The following MYO18B variants were observed in gnomAD, a reference collection of about 807,000 sequenced individuals.
The protein encoded by MYO18B is unconventional myosin-XVIIIb.
MYO18B carries 204 observed loss-of-function variants against 273.0 expected under a neutral mutation model. The observed-to-expected ratio is 0.75, with a 90% CI of 0.67 to 0.84. The LOEUF (loss-of-function observed/expected upper bound fraction) is 0.84, where lower values mean the gene tolerates loss of function less well. MYO18B is among the 40% of genes least tolerant of loss of function. The pLI, the probability that MYO18B is intolerant of heterozygous loss-of-function variation, is 0.00. For missense variants in MYO18B, 3,212 were observed against 3,287.6 expected (o/e 0.98, Z 0.56); for synonymous variants, 1,330 against 1,305.7 (o/e 1.02, Z -0.40).
intron 14 of MYO18B, among the ~76,000 whole-genome samples, chr22:25,827,926 G>A (rs1044069429): frequency 1.3e-5 from 2 of 152,106 alleles, no homozygotes; most frequent in Non-Finnish European, 2.9e-5. Flanking sequence ...AGAATAAACC[G>A]ACTTCATCTT....
intron 35 of MYO18B, among the ~76,000 whole-genome samples, chr22:25,946,489 C>A (rs1287398468): frequency 6.6e-6 from 1 of 151,384 alleles, no homozygotes; most frequent in African/African-American, 2.5e-5. Flanking sequence ...AATGTGCAGG[C>A]ATCCTACTGT....
chr22:25,925,695 A>C (rs2092409856), intron 34 of MYO18B, among the ~76,000 whole-genome samples: 1 of 149,820 alleles, frequency 6.7e-6, no homozygotes, highest in African/African-American at 2.5e-5. Flanking sequence ...ACCTGGGGTC[A>C]GGAGTTTGAG....
intron 34 of MYO18B, among the ~76,000 whole-genome samples, chr22:25,925,880 G>A (rs2092413495): frequency 7.0e-6 from 1 of 143,152 alleles, no homozygotes; most frequent in Non-Finnish European, 1.5e-5. Flanking sequence ...ACTCCAGCAT[G>A]GGCAACAGAG....
intron 21 of MYO18B, among the ~76,000 whole-genome samples, chr22:25,854,374 A>G (rs2090508704): frequency 6.6e-6 from 1 of 152,100 alleles, no homozygotes; most frequent in East Asian, 1.9e-4. Flanking sequence ...TATAATTCCC[A>G]CTCTGGGAAT....
At position 25,772,530 on chromosome 22, in the gene MYO18B, G is replaced by A; in HGVS notation, c.1869+20G>A. The A allele has an allele frequency of 6.2e-7, 1 of 1,609,988 alleles. No individual in the cohort carries two copies. Among genetic ancestry groups the A allele is most frequent in the Non-Finnish European group, 8.5e-7 (1 of 1,178,092 alleles). ...GGGAAGGTGAGGTGGGACCATTGTGGGCAGGGCTGAGGGGCTGAGGGCAGG... is the reference window on the plus strand; with the variant it reads ...GGGAAGGTGAGGTGGGACCATTGTGAGCAGGGCTGAGGGGCTGAGGGCAGG... On this transcript the variant is annotated intron_variant, in intron 7 of 43. Transcript: ENST00000335473.
At chr22:26,013,176 A>G (rs981981201) in intron 42 of MYO18B, among the ~76,000 whole-genome samples, 20 of 152,126 alleles carry the variant, frequency 1.3e-4, no homozygotes, top group African/African-American at 4.8e-4. Flanking sequence ...TCTATAGTCT[A>G]TGTCAGTGGT....
intron 21 of MYO18B, among the ~76,000 whole-genome samples, chr22:25,857,404 A>T (rs1765113733): frequency 6.6e-6 from 1 of 152,144 alleles, no homozygotes; most frequent in African/African-American, 2.4e-5. Context: ...AGGGCTGTCA[A>T]TCCGTCTTCT....
intron 40 of MYO18B, among the ~76,000 whole-genome samples, chr22:26,000,212 G>A (rs1933821548): frequency 6.6e-6 from 1 of 152,198 alleles, no homozygotes; most frequent in South Asian, 2.1e-4. Context: ...TCTTCACATG[G>A]TAAAAGGGCC....
At chr22:25,816,141 T>C (rs2088993501) in intron 12 of MYO18B, among the ~76,000 whole-genome samples, 1 of 152,172 alleles carries the variant, frequency 6.6e-6, no homozygotes, top group South Asian at 2.1e-4. Context: ...GGTTACATTT[T>C]CCATGTTCTC....
At chr22:25,935,611 T>C (rs951532005) in intron 34 of MYO18B, among the ~76,000 whole-genome samples, 2 of 151,340 alleles carry the variant, frequency 1.3e-5, no homozygotes, top group African/African-American at 4.9e-5. Context: ...AAAAAAACCC[T>C]GTGTCTTAGA....
chr22:26,038,335 G>C, the MYO18B span, among the ~76,000 whole-genome samples: 2 of 152,306 alleles, frequency 1.3e-5, no homozygotes, highest in African/African-American at 4.8e-5. Flanking sequence ...CCATAGGCGA[G>C]CTGTATGGGT....
chr22:25,763,776 C>CT (rs1182326880), intron 3 of MYO18B, among the ~76,000 whole-genome samples: 3 of 152,178 alleles, frequency 2.0e-5, no homozygotes, highest in Non-Finnish European at 4.4e-5. Flanking sequence ...GTAGTGAGTG[C>CT]TTAACAGTTT....
chr22:25,834,857 A>T (rs1423989492), intron 16 of MYO18B, among the ~76,000 whole-genome samples: 1 of 152,218 alleles, frequency 6.6e-6, no homozygotes, highest in Non-Finnish European at 1.5e-5. Flanking sequence ...AAATACAAGG[A>T]CTTCTTAGAG....
chr22:25,887,503 G>A (rs1243013874), intron 25 of MYO18B, among the ~76,000 whole-genome samples: 4 of 152,114 alleles, frequency 2.6e-5, no homozygotes, highest in Non-Finnish European at 4.4e-5. Context: ...TATTTCTGTT[G>A]GTTTGGCCAA....
chr22:25,945,640 G>C (rs2092694785), intron 34 of MYO18B, among the ~76,000 whole-genome samples: 1 of 151,598 alleles, frequency 6.6e-6, no homozygotes, highest in African/African-American at 2.4e-5. Context: ...GGCTGAGCTA[G>C]AGGGGAAGGA....
chr22:25,925,154 G>A (rs867691936), intron 34 of MYO18B, among the ~76,000 whole-genome samples: 13 of 151,994 alleles, frequency 8.6e-5, no homozygotes, highest in African/African-American at 2.7e-4. Flanking sequence ...TAGTGTCTTG[G>A]GGTTTCTCAA....
intron 11 of MYO18B, among the ~76,000 whole-genome samples, chr22:25,786,355 A>G (rs1260800543): frequency 6.6e-6 from 1 of 152,188 alleles, no homozygotes; most frequent in East Asian, 1.9e-4. Context: ...TAGCCAAGGG[A>G]ACATTTGGCC....
In MYO18B at chr22:26,027,839, G is replaced by A; in HGVS notation, c.*12+149G>A. On this transcript the variant is annotated intron_variant, in intron 43 of 43. Coordinates refer to ENST00000335473, the MANE Select transcript of MYO18B (RefSeq NM_032608.7). The surrounding 1 kb of genome is among the most constrained non-coding windows in gnomAD (Gnocchi z 4.1). ...GAGGTTTTAGCTGAAGTCATGTGTT[G>A]ATGGATGCAAAGCTTTTCAGAACCC... 1 of 831,734 alleles carries A rather than the reference G, an allele frequency of 1.2e-6. No homozygotes were observed. The highest frequency in any genetic ancestry group is 1.8e-6 in the Non-Finnish European group (1 of 550,512). The allele number at this position is 831,734 out of a possible 1,614,324, so 51.5% of individuals were successfully genotyped here.
At chr22:25,787,436 G>A (rs2087451454) in intron 11 of MYO18B, among the ~76,000 whole-genome samples, 1 of 152,008 alleles carries the variant, frequency 6.6e-6, no homozygotes, top group Non-Finnish European at 1.5e-5. Context: ...CAGGGACCCC[G>A]CTTTGAGAAC....
Sources: gnomAD v4.1 joint callset for allele counts (sites outside exome capture counted in the v4.1 genomes callset) on GRCh38, gnomAD v4.1.1 for gene constraint, Gnocchi (gnomAD v3.1) non-coding constraint, MANE v1.5 for transcripts, NCBI Gene and HGNC (gene_info 2026-07-23, HGNC 2026-07-21) for gene names.